Variants in PARD3 observed in about 807,000 individuals in gnomAD.
The protein encoded by PARD3 is partitioning defective 3 homolog.
Under a neutral mutation model 155.4 loss-of-function variants are expected in PARD3, and 75 were observed. The ratio of observed to expected loss-of-function variants is 0.48; its 90% CI spans 0.40 to 0.58. The LOEUF (loss-of-function observed/expected upper bound fraction) is 0.58, where lower values mean the gene tolerates loss of function less well. PARD3 is among the 20% of genes least tolerant of loss of function. The pLI is 0.00. For synonymous variants in PARD3, 576 were observed against 610.5 expected, an observed-to-expected ratio of 0.94 and a Z score of 0.83; for missense variants, 1,642 against 1,721.7, an observed-to-expected ratio of 0.95 and a Z score of 0.82.
intron 7 of PARD3, among the ~76,000 whole-genome samples, chr10:34,388,380 A>G (rs1842553343): frequency 6.6e-6 from 1 of 152,192 alleles, no homozygotes; most frequent in African/African-American, 2.4e-5. Context: ...AGAAAATCCA[A>G]CTGATAACAG....
rs2081567404 is a variant in PARD3 at position 34,514,149 on chromosome 10, AT to A, written c.403+2829del. ...ATGGAAAAAAATACATACTCTATAT[AT>A]TTTTCTCAACTTCCACCAATTCTTT... On this transcript the variant is annotated intron_variant, in intron 3 of 24. Transcript: ENST00000374788. Among the ~76,000 whole-genome samples, 5 of 152,214 alleles carry A rather than the reference AT, an allele frequency of 3.3e-5. No individual in the cohort carries two copies. In the South Asian group the frequency reaches 1.0e-3, roughly 32 times the overall value.
At chr10:34,244,891 T>C (rs1173366736) in intron 22 of PARD3, among the ~76,000 whole-genome samples, 1 of 152,202 alleles carries the variant, frequency 6.6e-6, no homozygotes, top group Non-Finnish European at 1.5e-5. Flanking sequence ...CTTATCTCCT[T>C]AAGATAAGTT....
At chr10:34,603,209 T>A (rs775410378) in intron 2 of PARD3, among the ~76,000 whole-genome samples, 1 of 152,286 alleles carries the variant, frequency 6.6e-6, no homozygotes, top group Non-Finnish European at 1.5e-5. Context: ...TGTCCCAGAA[T>A]GAAGCAATAG....
At chr10:34,150,960 T>G (rs1400952103) in intron 22 of PARD3, among the ~76,000 whole-genome samples, 1 of 152,204 alleles carries the variant, frequency 6.6e-6, no homozygotes, top group African/African-American at 2.4e-5. Context: ...CTGGCTAGAT[T>G]TCTCATGAAA....
At chr10:34,519,835 CAT>C (rs1326417260) in intron 2 of PARD3, among the ~76,000 whole-genome samples, 1 of 142,492 alleles carries the variant, frequency 7.0e-6, no homozygotes, top group African/African-American at 2.7e-5. Context: ...CATAACATAA[CAT>C]AACATAACAT....
chr10:34,414,577 A>T (rs999481447), intron 5 of PARD3, among the ~76,000 whole-genome samples: 1 of 152,054 alleles, frequency 6.6e-6, no homozygotes, highest in East Asian at 2.0e-4. Flanking sequence ...GCATTTTGGG[A>T]GGCCAAGATG....
intron 2 of PARD3, among the ~76,000 whole-genome samples, chr10:34,543,996 T>A (rs1192469144): frequency 6.6e-6 from 1 of 152,206 alleles, no homozygotes; most frequent in Non-Finnish European, 1.5e-5. Context: ...TGATGGCAGA[T>A]CACTGGCAAC....
At chr10:34,324,810 C>T (rs755361477) in intron 19 of PARD3, among the ~76,000 whole-genome samples, 2 of 152,044 alleles carry the variant, frequency 1.3e-5, no homozygotes, top group East Asian at 1.9e-4. Flanking sequence ...ACGCTAAGCC[C>T]GTAAACAGTT....
intron 15 of PARD3, among the ~76,000 whole-genome samples, chr10:34,342,830 A>G (rs1277459761): frequency 6.6e-6 from 1 of 152,184 alleles, no homozygotes; most frequent in Non-Finnish European, 1.5e-5. Flanking sequence ...CATCAACTAC[A>G]CTATTGTAGT....
chr10:34,752,442 A>G (rs1028624091), intron 1 of PARD3, among the ~76,000 whole-genome samples: 1 of 152,144 alleles, frequency 6.6e-6, no homozygotes, highest in African/African-American at 2.4e-5. Context: ...TGACTACTGC[A>G]CTACTAACAC....
intron 22 of PARD3, among the ~76,000 whole-genome samples, chr10:34,183,960 G>A (rs1355595456): frequency 1.3e-5 from 2 of 152,310 alleles, no homozygotes; most frequent in Middle Eastern, 3.4e-3. Flanking sequence ...GAGACTATAG[G>A]TGTGCGCCAT....
At position 34,111,530 on chromosome 10, in the gene PARD3, T is replaced by G. The variant is rs1266814905; in HGVS notation, c.3701A>C (p.Gln1234Pro). Reference sequence around the variant, plus strand: ...GGAGTAGTTCTGCTCCCAAGAGTCCTGGGAGACCGAGCTGGCATTTTTCCT... The same window carrying G: ...GGAGTAGTTCTGCTCCCAAGAGTCCGGGGAGACCGAGCTGGCATTTTTCCT... ...QSRKNASSVS[Q>P]DSWEQNYSPG... Residue 1234 changes from glutamine to proline, a missense_variant, in exon 25 of 25, where the codon CAG becomes CCG. Around this residue, in one of 3 missense-constraint regions of PARD3, gnomAD observed 1,529 missense variants for 1,587.3 expected, o/e 0.96. Transcript: ENST00000374788. 6.2e-7 allele frequency: 1 copy of G among 1,601,130 alleles called. No homozygotes were observed. The highest frequency in any genetic ancestry group is 8.5e-7 in the Non-Finnish European group (1 of 1,170,968).
intron 2 of PARD3, among the ~76,000 whole-genome samples, chr10:34,537,665 C>T (rs2083315458): frequency 1.3e-5 from 2 of 152,202 alleles, no homozygotes; most frequent in Admixed American, 1.3e-4. Flanking sequence ...CCAGTCCCCA[C>T]AGACCATGGT....
chr10:34,240,974 C>T (rs941850744), intron 22 of PARD3, among the ~76,000 whole-genome samples: 5 of 152,242 alleles, frequency 3.3e-5, no homozygotes, highest in South Asian at 2.1e-4. Flanking sequence ...GTCTGCCAGC[C>T]GCTGTTTCGG....
At chr10:34,391,305 T>C (rs999858383) in intron 7 of PARD3, among the ~76,000 whole-genome samples, 1 of 151,918 alleles carries the variant, frequency 6.6e-6, no homozygotes, top group African/African-American at 2.4e-5. Flanking sequence ...CTGAGCCCAA[T>C]ATACAGAGAA....
chr10:34,392,403 G>C (rs1842940844), intron 7 of PARD3, among the ~76,000 whole-genome samples: 1 of 152,030 alleles, frequency 6.6e-6, no homozygotes. Flanking sequence ...AATTATTTGG[G>C]ATAAAAATCA....
intron 2 of PARD3, among the ~76,000 whole-genome samples, chr10:34,630,328 C>T (rs2092201774): frequency 6.6e-6 from 1 of 152,212 alleles, no homozygotes; most frequent in Admixed American, 6.5e-5. Context: ...AGAGACTCCT[C>T]CTGCAGGAAT....
At chr10:34,172,850 T>A (rs1278340608) in intron 22 of PARD3, among the ~76,000 whole-genome samples, 2 of 151,762 alleles carry the variant, frequency 1.3e-5, no homozygotes, top group Non-Finnish European at 2.9e-5. Context: ...GAAATTTACA[T>A]AACAATATTC....
At chr10:34,515,231 G>GA (rs1280180591) in intron 3 of PARD3, among the ~76,000 whole-genome samples, 3 of 152,126 alleles carry the variant, frequency 2.0e-5, no homozygotes, top group African/African-American at 7.2e-5. Flanking sequence ...CTCACCTTTT[G>GA]AAAAACACTG....
Sources: allele counts gnomAD v4.1 joint callset (sites outside exome capture counted in the v4.1 genomes callset), GRCh38; gene constraint gnomAD v4.1.1; regional missense constraint gnomAD v4.1.1; transcripts MANE v1.5; gene names NCBI Gene and HGNC (gene_info 2026-07-23, HGNC 2026-07-21).